NRXN3: variants seen among roughly 807,000 people sequenced by gnomAD.
NRXN3 encodes the protein neurexin III.
In NRXN3, 32 loss-of-function variants were observed where a neutral mutation model predicts 137.6. That is an observed-to-expected ratio of 0.23 (90% CI 0.18 to 0.31). The LOEUF is 0.31. NRXN3 is among the 10% of genes least tolerant of loss of function. The probability of loss-of-function intolerance (pLI) is 1.00; values close to 1 mark genes in which losing one functional copy is unlikely to be tolerated. For synonymous variants in NRXN3, 798 were observed against 784.5 expected, an observed-to-expected ratio of 1.02 and a Z score of -0.29; for missense variants, 1,574 against 2,062.5, an observed-to-expected ratio of 0.76 and a Z score of 4.59.
chr14:78,495,784 T>A (rs1400314100), intron 4 of NRXN3, among the ~76,000 whole-genome samples: 1 of 152,194 alleles, frequency 6.6e-6, no homozygotes, highest in East Asian at 1.9e-4. Flanking sequence ...GGTGACAGTC[T>A]TCTGGATCTC....
At chr14:79,139,790 A>G (rs2058619501) in intron 15 of NRXN3, among the ~76,000 whole-genome samples, 1 of 151,992 alleles carries the variant, frequency 6.6e-6, no homozygotes, top group Non-Finnish European at 1.5e-5. Flanking sequence ...ACAAAAAATC[A>G]GTATTACTAT....
Position 78,714,958 on chromosome 14 carries a change from G to A in NRXN3, c.1863G>A (p.Lys621=). Residue 621 remains lysine, a synonymous_variant, in exon 8 of 21, where the codon AAG becomes AAA. Coordinates refer to ENST00000335750, the MANE Select transcript of NRXN3 (RefSeq NM_001330195.2). ...ACCTATTCATTGATGGGCGCAGCAA[G>A]AACATTCGACAGCTGGCAGAGATGC... The part of the protein sequence containing the change: ...IRDLFIDGRS[K]NIRQLAEMQN... The A allele has an allele frequency of 6.2e-7, 1 of 1,614,154 alleles. No homozygotes were observed. The highest frequency in any genetic ancestry group is 1.1e-5 in the South Asian group (1 of 91,080).
intron 15 of NRXN3, among the ~76,000 whole-genome samples, chr14:79,347,490 C>A (rs980194004): frequency 6.7e-6 from 1 of 149,656 alleles, no homozygotes; most frequent in Non-Finnish European, 1.5e-5. Flanking sequence ...GGCGTGATCT[C>A]GGCTCACTAC....
intron 15 of NRXN3, among the ~76,000 whole-genome samples, chr14:79,387,338 A>C (rs2153463895): frequency 6.6e-6 from 1 of 152,342 alleles, no homozygotes; most frequent in South Asian, 2.1e-4. Context: ...TGCAGCCAAA[A>C]GAAACATGAA....
At chr14:78,837,628 C>A (rs899937295) in intron 10 of NRXN3, among the ~76,000 whole-genome samples, 2 of 152,216 alleles carry the variant, frequency 1.3e-5, no homozygotes, top group African/African-American at 4.8e-5. Context: ...TGCTCCCCAC[C>A]CCCATGCCTG....
At chr14:79,608,018 A>C (rs902576240) in intron 16 of NRXN3, among the ~76,000 whole-genome samples, 17 of 152,216 alleles carry the variant, frequency 1.1e-4, no homozygotes, top group Admixed American at 6.5e-4. Context: ...TGATCCCATA[A>C]AAATTATTTC....
chr14:79,582,454 C>A (rs949874324), intron 16 of NRXN3, among the ~76,000 whole-genome samples: 2 of 152,146 alleles, frequency 1.3e-5, no homozygotes, highest in African/African-American at 4.8e-5. Context: ...CGGAGTCTTG[C>A]TCTGTCACTA....
chr14:79,182,941 G>C (rs765625266), intron 15 of NRXN3, among the ~76,000 whole-genome samples: 1 of 152,056 alleles, frequency 6.6e-6, no homozygotes, highest in Non-Finnish European at 1.5e-5. Context: ...AAAATGGGAA[G>C]TGACTTTGAG....
intron 4 of NRXN3, among the ~76,000 whole-genome samples, chr14:78,368,632 T>C (rs180784677): frequency 1.1e-4 from 17 of 152,146 alleles, no homozygotes; most frequent in Admixed American, 1.1e-3. Flanking sequence ...GAGGTGGAGG[T>C]TGCAGTGAGC....
At chr14:78,875,398 C>G (rs546459521) in intron 10 of NRXN3, among the ~76,000 whole-genome samples, 8 of 152,218 alleles carry the variant, frequency 5.3e-5, no homozygotes, top group Admixed American at 5.2e-4. Context: ...GATAAAGTGG[C>G]CTTTGGGATG....
rs1488952644 is a variant in NRXN3, at chr14:78,335,511, C to CTGAT, written c.757+37664_757+37667dup. On this transcript the variant is annotated intron_variant, in intron 4 of 20. Coordinates refer to ENST00000335750, the MANE Select transcript of NRXN3 (RefSeq NM_001330195.2). ...GCACCTGGCAGGTGTTTAGTAATGA[C>CTGAT]TGATTGATTGATTGATATTAATGTA... Among the ~76,000 whole-genome samples, 6 of 152,306 alleles carry CTGAT rather than the reference C, an allele frequency of 3.9e-5. No homozygotes were observed. The East Asian group carries it at 1.2e-3, about 29-fold the overall frequency.
intron 4 of NRXN3, among the ~76,000 whole-genome samples, chr14:78,397,486 G>A (rs2091587684): frequency 6.6e-6 from 1 of 151,512 alleles, no homozygotes; most frequent in Non-Finnish European, 1.5e-5. Context: ...TAGTTTATCA[G>A]TTATTCTGTT....
chr14:78,430,964 C>G (rs1012058004), intron 4 of NRXN3, among the ~76,000 whole-genome samples: 7 of 151,890 alleles, frequency 4.6e-5, no homozygotes, highest in Middle Eastern at 3.2e-3. Context: ...CTATTAGCAT[C>G]TGCTTCATTC....
chr14:78,188,850 A>G (rs928688907), intron 1 of NRXN3, among the ~76,000 whole-genome samples: 3 of 152,148 alleles, frequency 2.0e-5, no homozygotes, highest in Admixed American at 6.5e-5. Context: ...TTATCAGTAA[A>G]TTATCTACTT....
intron 15 of NRXN3, among the ~76,000 whole-genome samples, chr14:79,206,496 CTGT>C (rs1199801818): frequency 2.0e-5 from 3 of 152,180 alleles, no homozygotes; most frequent in African/African-American, 7.2e-5. Context: ...GATACAGCTG[CTGT>C]TAACTCCAGA....
intron 1 of NRXN3, among the ~76,000 whole-genome samples, chr14:78,173,611 C>G (rs991984814): frequency 1.6e-4 from 23 of 143,968 alleles, no homozygotes; most frequent in South Asian, 2.4e-4. Context: ...CTGCTCCCCC[C>G]ACCCTAGGCG....
chr14:79,545,600 A>G (rs941971606), intron 16 of NRXN3, among the ~76,000 whole-genome samples: 10 of 151,922 alleles, frequency 6.6e-5, no homozygotes, highest in African/African-American at 2.4e-4. Flanking sequence ...GAATTAGAAT[A>G]TATTGTATCT....
chr14:78,624,870 C>A (rs780019341), intron 4 of NRXN3, among the ~76,000 whole-genome samples: 4 of 151,966 alleles, frequency 2.6e-5, no homozygotes, highest in Non-Finnish European at 5.9e-5. Context: ...GAGAAGGAGT[C>A]TCGCTGTGTC....
chr14:78,343,738 C>T (rs973698570), intron 4 of NRXN3, among the ~76,000 whole-genome samples: 1 of 152,186 alleles, frequency 6.6e-6, no homozygotes, highest in Non-Finnish European at 1.5e-5. Flanking sequence ...AGCACAAAAC[C>T]TCCTCCAGCC....
Sources: gnomAD v4.1 joint callset for allele counts (sites outside exome capture counted in the v4.1 genomes callset) on GRCh38, gnomAD v4.1.1 for gene constraint, MANE v1.5 for transcripts, NCBI Gene and HGNC (gene_info 2026-07-23, HGNC 2026-07-21) for gene names.